Variants in TAB1 observed in about 807,000 individuals in gnomAD.
TAB1 encodes the protein TGF-beta activated kinase 1 (MAP3K7) binding protein 1.
Under a neutral mutation model 54.5 loss-of-function variants are expected in TAB1, and 30 were observed. The ratio of observed to expected loss-of-function variants is 0.55; its 90% CI spans 0.41 to 0.75. The LOEUF is 0.75. TAB1 is among the 30% of genes least tolerant of loss of function. The probability of loss-of-function intolerance (pLI) is 0.00; values close to 1 mark genes in which losing one functional copy is unlikely to be tolerated. For synonymous variants in TAB1, 289 were observed against 286.9 expected (o/e 1.01, Z -0.07); for missense variants, 609 against 683.2 (o/e 0.89, Z 1.21).
downstream of TAB1, chr22:39,433,860 G>A: frequency 1.0e-5 from 10 of 981,132 alleles, no homozygotes; most frequent in Non-Finnish European, 1.2e-5. Flanking sequence ...CCTCTGGAAA[G>A]AGCCCTTCCC....
At chr22:39,424,725 G>A (rs1168906526) in intron 8 of TAB1, among the ~76,000 whole-genome samples, 2 of 152,110 alleles carry the variant, frequency 1.3e-5, no homozygotes, top group African/African-American at 4.8e-5. Context: ...TGGGATTATA[G>A]ACATGAGCCA....
intron 1 of TAB1, among the ~76,000 whole-genome samples, chr22:39,407,510 G>T (rs1367019756): frequency 2.0e-5 from 3 of 150,956 alleles, no homozygotes; most frequent in African/African-American, 7.3e-5. Context: ...TTGAGAGGGA[G>T]CCTCACTCTG....
chr22:39,430,229 C>T lies in TAB1; in HGVS notation c.*7C>T, dbSNP rs560659949. The T allele has an allele frequency of 1.6e-5, 25 of 1,610,604 alleles. No individual in the cohort carries two copies. The highest frequency in any genetic ancestry group is 4.5e-5 in the East Asian group (2 of 44,872). ...CGTGGTGACAGCACCGTAGGGCAGC[C>T]GGAGAATGCAGCCCAAGCAGGGCCT... On this transcript the variant is annotated 3_prime_UTR_variant, in exon 11 of 11. Coordinates refer to ENST00000216160, the MANE Select transcript of TAB1 (RefSeq NM_006116.3).
chr22:39,414,007 C>T (rs1926719533), intron 1 of TAB1, among the ~76,000 whole-genome samples: 1 of 152,174 alleles, frequency 6.6e-6, no homozygotes, highest in Non-Finnish European at 1.5e-5. Context: ...GGGCCAGGGC[C>T]TGGACCGCTG....
At chr22:39,417,883 T>G (rs749643940) in intron 5 of TAB1, 34 bp downstream of exon 5, 2 of 1,572,780 alleles carry the variant, frequency 1.3e-6, no homozygotes, top group South Asian at 2.4e-5. Context: ...CAGGGAGGAC[T>G]GGGGAGAGGT....
chr22:39,413,377 C>G (rs1346072263), intron 1 of TAB1, among the ~76,000 whole-genome samples: 1 of 151,972 alleles, frequency 6.6e-6, no homozygotes, highest in Non-Finnish European at 1.5e-5. Flanking sequence ...TCTGGTTGCT[C>G]TAGCTTGTGT....
At chr22:39,428,625 A>AG (rs1927453102) in intron 10 of TAB1, among the ~76,000 whole-genome samples, 3 of 152,134 alleles carry the variant, frequency 2.0e-5, no homozygotes, top group Non-Finnish European at 4.4e-5. Flanking sequence ...CAACAGCCTG[A>AG]GGGGGATGCG....
In TAB1 at chr22:39,417,843, A is replaced by T; in HGVS notation, c.544A>T (p.Asn182Tyr). 6.2e-7 allele frequency: 1 copy of T among 1,605,888 alleles called. No homozygotes were observed. Among genetic ancestry groups the T allele is most frequent in the Non-Finnish European group, 8.5e-7 (1 of 1,175,970 alleles). ...TCTCAACAACAAGCTCTACGTCGCCAATGTCGGTGAGCCCCCTCCTGTCCC... is the reference window on the plus strand; with the variant it reads ...TCTCAACAACAAGCTCTACGTCGCCTATGTCGGTGAGCCCCCTCCTGTCCC... ...VLLNNKLYVA[N>Y]VGTNRALLCK... Residue 182 changes from asparagine to tyrosine, a missense_variant, in exon 5 of 11, where the codon AAT (asparagine) becomes TAT (tyrosine). Asn to Tyr is a moderately radical substitution (Grantham distance 143). Transcript: ENST00000216160.
chr22:39,431,159 T>C lies in TAB1; in HGVS notation c.*937T>C, dbSNP rs746671764. The C allele has an allele frequency of 2.6e-5, 26 of 984,810 alleles. No individual in the cohort carries two copies. The highest frequency in any genetic ancestry group is 3.1e-5 in the Non-Finnish European group (26 of 830,012). The allele number at this position is 984,810 out of a possible 1,614,324, so 61.0% of individuals were successfully genotyped here. A position where few individuals can be genotyped will look rare whatever the true frequency, so the allele number is the denominator to read the frequency against. On this transcript the variant is annotated 3_prime_UTR_variant, in exon 11 of 11. Coordinates refer to ENST00000216160, the MANE Select transcript of TAB1 (RefSeq NM_006116.3). The stretch of plus-strand genomic sequence containing the variant: ...GGGACTTGTTTGAAAGAAAGAGGAG[T>C]GGAAAATGGTTCCAGGAGGGAAGAG...
At position 39,416,865 on chromosome 22, in the gene TAB1, G is replaced by C; in HGVS notation, c.399G>C (p.Ser133=). 1.2e-6 allele frequency: 2 copies of C among 1,614,166 alleles called. No individual in the cohort carries two copies. The highest frequency in any genetic ancestry group is 1.7e-6 in the Non-Finnish European group (2 of 1,180,036). Residue 133 remains serine (S), a synonymous_variant, in exon 4 of 11, where the codon TCG becomes TCC. Coordinates refer to ENST00000216160, the MANE Select transcript of TAB1 (RefSeq NM_006116.3). ...DALAEKASLQ[S]QLPEGVPQHQ... is the part of the protein sequence containing the mutation. ...TGGCTGAGAAGGCAAGCCTCCAGTCGCAATTGCCAGAGGTAATTTCCCCAG... is the reference window on the plus strand; with the variant it reads ...TGGCTGAGAAGGCAAGCCTCCAGTCCCAATTGCCAGAGGTAATTTCCCCAG...
intron 1 of TAB1, among the ~76,000 whole-genome samples, chr22:39,401,950 A>G (rs1243872474): frequency 6.6e-6 from 1 of 152,196 alleles, no homozygotes; most frequent in Non-Finnish European, 1.5e-5. Context: ...GCAAATATGA[A>G]TGAGGCGTGG....
chr22:39,414,425 C>T (rs1292389820), intron 1 of TAB1, among the ~76,000 whole-genome samples: 3 of 152,188 alleles, frequency 2.0e-5, no homozygotes, highest in African/African-American at 4.8e-5. Flanking sequence ...AGTTACTCTC[C>T]CTGGTACTTG....
Position 39,424,438 on chromosome 22 carries a change from CTT to C in TAB1, c.922-2242_922-2241del, listed in dbSNP as rs762665225. On this transcript the variant is annotated intron_variant, in intron 8 of 10. Transcript: ENST00000216160. ...TCCCCTGTTCCCTGTGTTCTGATTT[CTT>C]TTTTTTTTTTTTTTTTTTTTTTGAG... Among the ~76,000 whole-genome samples, 667 of 89,342 alleles carry C rather than the reference CTT, an allele frequency of 7.5e-3. 2 individuals are homozygous for C. The highest frequency in any genetic ancestry group is 0.027 in the African/African-American group (618 of 22,528). 58.6% of individuals were successfully genotyped at this position (89,342 alleles called of 152,430 possible).
chr22:39,422,688 C>T (rs952679529), intron 8 of TAB1, among the ~76,000 whole-genome samples: 6 of 152,090 alleles, frequency 3.9e-5, no homozygotes, highest in African/African-American at 7.2e-5. Flanking sequence ...TGAGCCACCG[C>T]GCCCGGCAGT....
chr22:39,433,001 C>T, downstream of TAB1: 1 of 985,442 alleles, frequency 1.0e-6, no homozygotes, highest in Non-Finnish European at 1.2e-6. Context: ...GTCACTGCCA[C>T]CGTCCACGTC....
chr22:39,436,142 AAGT>A (rs1167096288), downstream of TAB1, among the ~76,000 whole-genome samples: 1 of 152,048 alleles, frequency 6.6e-6, no homozygotes, highest in African/African-American at 2.4e-5. Flanking sequence ...AAATACAAAA[AAGT>A]AGCCAGGCGT....
At chr22:39,433,232 A>G (rs1482848915), downstream of TAB1, 7 of 964,394 alleles carry the variant, frequency 7.3e-6, no homozygotes, top group Non-Finnish European at 8.6e-6. Flanking sequence ...CAGGCAGATC[A>G]TGAGGTCAGG....
downstream of TAB1, chr22:39,436,425 C>T: frequency 7.2e-7 from 1 of 1,387,918 alleles, no homozygotes; most frequent in African/African-American, 1.4e-5. Context: ...CAAGATCACA[C>T]AGGAGCAAAG....
Position 39,430,077 on chromosome 22 carries a change from C to T in TAB1, c.1370C>T (p.Ser457Phe). 1 of 1,614,144 alleles carries T rather than the reference C, an allele frequency of 6.2e-7. No homozygotes were observed. Among genetic ancestry groups the T allele is most frequent in the Non-Finnish European group, 8.5e-7 (1 of 1,180,052 alleles). Residue 457 changes from serine to phenylalanine, a missense_variant, in exon 11 of 11, where the codon TCT (serine) becomes TTT (phenylalanine). By Grantham distance (155) the Ser-to-Phe change is radical. Transcript: ENST00000216160. Reference protein sequence around the residue: ...NTHTQSSSSSSDGGLFRSRPA... With the variant: ...NTHTQSSSSSFDGGLFRSRPA... ...CACACGCAGAGCAGCAGCTCCAGCT[C>T]TGACGGAGGCCTCTTCCGCTCCCGG...
Sources: gnomAD v4.1 joint callset for allele counts (sites outside exome capture counted in the v4.1 genomes callset) on GRCh38, gnomAD v4.1.1 for gene constraint, MANE v1.5 for transcripts, NCBI Gene and HGNC (gene_info 2026-07-23, HGNC 2026-07-21) for gene names.